The following SLC4A4 variants were observed in gnomAD, a reference collection of about 807,000 sequenced individuals.
SLC4A4 encodes the protein solute carrier family 4 member 4, also known as electrogenic sodium bicarbonate cotransporter 1.
A neutral mutation model predicts 111.5 loss-of-function variants in SLC4A4; 27 were observed. That is an observed-to-expected ratio of 0.24 (90% confidence interval 0.18 to 0.33). The LOEUF (loss-of-function observed/expected upper bound fraction) is 0.33, where lower values mean the gene tolerates loss of function less well. SLC4A4 is among the 10% of genes least tolerant of loss of function. The pLI is 1.00. For synonymous variants in SLC4A4, 443 were observed against 463.4 expected, an observed-to-expected ratio of 0.96 and a Z score of 0.57; for missense variants, 909 against 1,315.5, an observed-to-expected ratio of 0.69 and a Z score of 4.78.
chr4:71,420,114 G>C (rs1254500614), intron 7 of SLC4A4, among the ~76,000 whole-genome samples: 1 of 152,156 alleles, frequency 6.6e-6, no homozygotes. Context: ...TGTATAACTA[G>C]AATAACCAAT....
At chr4:71,177,142 AC>A (rs1450322317) in intron 2 of SLC4A4, among the ~76,000 whole-genome samples, 1 of 152,198 alleles carries the variant, frequency 6.6e-6, no homozygotes, top group Admixed American at 6.5e-5. Context: ...AGATTTTGTC[AC>A]CACCAGGCCT....
chr4:71,387,781 C>G (rs1174076394), intron 6 of SLC4A4, among the ~76,000 whole-genome samples: 1 of 152,194 alleles, frequency 6.6e-6, no homozygotes, highest in African/African-American at 2.4e-5. Flanking sequence ...GTGTGAGCCA[C>G]CGTGCCTGGC....
chr4:71,102,422 G>T (rs904397322), intron 2 of SLC4A4, among the ~76,000 whole-genome samples: 4 of 151,084 alleles, frequency 2.6e-5, no homozygotes, highest in African/African-American at 9.7e-5. Context: ...TACAGAGAAC[G>T]CCACAAACAT....
At chr4:71,273,678 C>CT (rs772319559) in intron 3 of SLC4A4, among the ~76,000 whole-genome samples, 15,598 of 134,124 alleles carry the variant, frequency 0.12, 2,508 homozygotes, top group African/African-American at 0.36. Flanking sequence ...TTCTAGAATT[C>CT]TTTTTTTTTT....
At chr4:71,086,907 G>A (rs1376921987) in intron 1 of SLC4A4, among the ~76,000 whole-genome samples, 1 of 152,040 alleles carries the variant, frequency 6.6e-6, no homozygotes, top group Admixed American at 6.5e-5. Context: ...TATCAGGATG[G>A]TGCTGGCCTC....
chr4:71,437,347 T>A (rs547325160), intron 7 of SLC4A4: 267 of 345,428 alleles, frequency 7.7e-4, no homozygotes, highest in African/African-American at 5.6e-3. Flanking sequence ...CCAGAATACA[T>A]AAGTTACAAT....
At chr4:71,246,379 C>G (rs1720656579) in intron 2 of SLC4A4, among the ~76,000 whole-genome samples, 1 of 151,980 alleles carries the variant, frequency 6.6e-6, no homozygotes, top group African/African-American at 2.4e-5. Context: ...GAGGTTGACT[C>G]CCTCTGCAGA....
chr4:71,135,444 C>A (rs1034652304), intron 2 of SLC4A4, among the ~76,000 whole-genome samples: 13 of 151,920 alleles, frequency 8.6e-5, no homozygotes, highest in Admixed American at 7.9e-4. Flanking sequence ...TACAGGCCTG[C>A]ACCACCATGC....
At chr4:71,162,930 G>C (rs1364599389) in intron 2 of SLC4A4, among the ~76,000 whole-genome samples, 1 of 152,068 alleles carries the variant, frequency 6.6e-6, no homozygotes, top group Non-Finnish European at 1.5e-5. Flanking sequence ...TTTTTCACTA[G>C]AACCATGTTC....
At chr4:71,179,907 C>T (rs1196397762) in intron 2 of SLC4A4, among the ~76,000 whole-genome samples, 1 of 152,092 alleles carries the variant, frequency 6.6e-6, no homozygotes, top group African/African-American at 2.4e-5. Flanking sequence ...AATCCGAAGC[C>T]AAAAGAACCA....
At position 71,342,482 on chromosome 4, in the gene SLC4A4, T is replaced by G. The variant is rs1578877040; in HGVS notation, c.389+2977T>G. On this transcript the variant is annotated intron_variant, in intron 4 of 25. Coordinates refer to ENST00000264485, the MANE Select transcript of SLC4A4 (RefSeq NM_001098484.3). ...TGTAGTCTTTCTGAGCTTGAATTTC[T>G]TTTTTATCAGATGAAGGTCGTATTG... Among the ~76,000 whole-genome samples the G allele has an allele frequency of 2.0e-5, 3 of 152,336 alleles. No homozygotes were observed. In the South Asian group the frequency reaches 6.2e-4, roughly 32 times the overall value.
At chr4:71,102,848 A>G (rs1742798865) in intron 2 of SLC4A4, among the ~76,000 whole-genome samples, 1 of 152,034 alleles carries the variant, frequency 6.6e-6, no homozygotes, top group Non-Finnish European at 1.5e-5. Flanking sequence ...GAGACTAGGA[A>G]GAAACTGCAT....
intron 2 of SLC4A4, among the ~76,000 whole-genome samples, chr4:71,110,792 G>T (rs1743063761): frequency 6.6e-6 from 1 of 152,104 alleles, no homozygotes; most frequent in Non-Finnish European, 1.5e-5. Context: ...GATTTGCTTT[G>T]TAATGGGCTC....
At chr4:71,292,086 T>C (rs542427875) in intron 3 of SLC4A4, among the ~76,000 whole-genome samples, 1 of 152,242 alleles carries the variant, frequency 6.6e-6, no homozygotes, top group African/African-American at 2.4e-5. Flanking sequence ...AGAAGAGAAA[T>C]TTGTAGAAAG....
At chr4:71,124,455 C>T (rs1449946239) in intron 2 of SLC4A4, among the ~76,000 whole-genome samples, 3 of 151,832 alleles carry the variant, frequency 2.0e-5, no homozygotes, top group Non-Finnish European at 4.4e-5. Flanking sequence ...CGGGCATGAG[C>T]CACCGTGCCC....
intron 6 of SLC4A4, 87 bp from the exon 7 acceptor site, chr4:71,397,490 A>C: frequency 8.9e-7 from 1 of 1,124,718 alleles, no homozygotes; most frequent in Non-Finnish European, 1.4e-6. Context: ...TTCCATCATC[A>C]TCTACTAATG....
chr4:71,105,423 T>C (rs180751919), intron 2 of SLC4A4, among the ~76,000 whole-genome samples: 2,752 of 150,982 alleles, frequency 0.018, 41 homozygotes, highest in Non-Finnish European at 0.031. Context: ...AAAAACTACT[T>C]TAAAGTTCAT....
chr4:71,141,116 A>G (rs1743982085), intron 2 of SLC4A4, among the ~76,000 whole-genome samples: 1 of 152,166 alleles, frequency 6.6e-6, no homozygotes, highest in Non-Finnish European at 1.5e-5. Context: ...AAAACAAAAC[A>G]TATTCTTTCT....
chr4:71,090,226 T>C (rs148196161), intron 1 of SLC4A4, among the ~76,000 whole-genome samples: 1,981 of 152,238 alleles, frequency 0.013, 28 homozygotes, highest in Admixed American at 0.026. Flanking sequence ...TGGTGTGCCA[T>C]TTGCTAAGAC....
Sources: gnomAD v4.1 joint callset for allele counts (sites outside exome capture counted in the v4.1 genomes callset) on GRCh38, gnomAD v4.1.1 for gene constraint, MANE v1.5 for transcripts, NCBI Gene and HGNC (gene_info 2026-07-23, HGNC 2026-07-21) for gene names.